Variants in PCDHA2 observed in about 807,000 individuals in gnomAD.
PCDHA2 encodes the protein protocadherin alpha 2, also known as protocadherin alpha-2.
In PCDHA2, 58 loss-of-function variants were observed where a neutral mutation model predicts 66.0. That is an observed-to-expected ratio of 0.88 (90% CI 0.71 to 1.09). PCDHA2 has a LOEUF of 1.09. PCDHA2 is among the 50% of genes least tolerant of loss of function. The pLI is 0.00. For synonymous variants in PCDHA2, 634 were observed against 554.0 expected (o/e 1.14, Z -2.03); for missense variants, 1,267 against 1,242.3 (o/e 1.02, Z -0.30).
intron 1 of PCDHA2, among the ~76,000 whole-genome samples, chr5:140,916,610 A>G (rs1002556327): frequency 6.6e-6 from 1 of 152,196 alleles, no homozygotes; most frequent in Non-Finnish European, 1.5e-5. Flanking sequence ...TGCGGGCCTC[A>G]TGACTCTACT....
At chr5:140,904,280 G>A in intron 1 of PCDHA2, among the ~76,000 whole-genome samples, 1 of 151,848 alleles carries the variant, frequency 6.6e-6, no homozygotes, top group Non-Finnish European at 1.5e-5. Flanking sequence ...GAGAACATGT[G>A]GTGTTTGGTT....
chr5:140,933,333 A>G (rs1215342457), intron 1 of PCDHA2, among the ~76,000 whole-genome samples: 1 of 152,032 alleles, frequency 6.6e-6, no homozygotes, highest in Non-Finnish European at 1.5e-5. Flanking sequence ...TGTGCTGTAG[A>G]GAAAGATAAA....
At chr5:140,956,147 C>T (rs150480657) in intron 1 of PCDHA2, among the ~76,000 whole-genome samples, 5,358 of 152,186 alleles carry the variant, frequency 0.035, 121 homozygotes, top group Non-Finnish European at 0.052. Context: ...ATTTCTTTCT[C>T]TTTCCTAATT....
At chr5:140,903,515 G>T (rs542642607) in intron 1 of PCDHA2, among the ~76,000 whole-genome samples, 1 of 152,244 alleles carries the variant, frequency 6.6e-6, no homozygotes, top group Non-Finnish European at 1.5e-5. Context: ...TAGTTCTATT[G>T]TGTTGTTCAC....
At chr5:140,802,570 C>A (rs1554122218) in intron 1 of PCDHA2, 1 of 1,614,158 alleles carries the variant, frequency 6.2e-7, no homozygotes, top group Non-Finnish European at 8.5e-7. Context: ...TTCTCGCAGT[C>A]CGAGTACACG....
At chr5:140,866,703 G>T (rs553518884) in intron 1 of PCDHA2, 45 of 152,224 alleles carry the variant, frequency 3.0e-4, no homozygotes, top group African/African-American at 1.1e-3. Context: ...AGTGGATGAC[G>T]TGCACTAGTA....
At position 140,982,360 on chromosome 5, in the gene PCDHA2, A is replaced by G. The variant is rs1016027722; in HGVS notation, c.2448-115A>G. 59 of 1,527,040 alleles carry G rather than the reference A, an allele frequency of 3.9e-5. No individual in the cohort carries two copies. In the Admixed American group the frequency reaches 8.5e-4, roughly 22 times the overall value. 94.6% of individuals were successfully genotyped at this position (1,527,040 alleles called of 1,614,324 possible). ...TAATTGCTTCAGTTCAAGCATGAGC[A>G]GAATGTGTTAGCTGCAGCCCTGGCT... On this transcript the variant is annotated intron_variant, in intron 2 of 3. Coordinates refer to ENST00000526136, the MANE Select transcript of PCDHA2 (RefSeq NM_018905.3).
At chr5:140,862,509 T>C in intron 1 of PCDHA2, 1 of 405,718 alleles carries the variant, frequency 2.5e-6, no homozygotes, top group Non-Finnish European at 5.0e-6. Context: ...GGGGACTCGC[T>C]TTCATTGTTG....
At chr5:140,802,382 C>T in intron 1 of PCDHA2, 1 of 1,614,268 alleles carries the variant, frequency 6.2e-7, no homozygotes, top group Admixed American at 1.7e-5. Context: ...ACGTCCCCTT[C>T]AAGCTGGTGT....
Position 140,796,452 on chromosome 5 carries a change from G to A in PCDHA2, c.1488G>A (p.Glu496=), listed in dbSNP as rs1554119901. The A allele has an allele frequency of 6.2e-7, 1 of 1,612,958 alleles. No homozygotes were observed. The highest frequency in any genetic ancestry group is 8.5e-7 in the Non-Finnish European group (1 of 1,179,868). ...CGCTGGTGTCCTACTCGCTGGTGGA[G>A]CGGCGGGTGGGCGAGCGCGCGTTGT... ...ENALVSYSLV[E]RRVGERALSS... is the part of the protein sequence containing the mutation. The change falls in exon 1 of 4, where the codon GAG becomes GAA. Residue 496 remains glutamate (E), a synonymous_variant. Transcript: ENST00000526136.
chr5:140,883,691 T>C (rs2059755439), intron 1 of PCDHA2: 2 of 1,613,592 alleles, frequency 1.2e-6, no homozygotes, highest in African/African-American at 2.7e-5. Flanking sequence ...CTGCCACATC[T>C]TCACGGTGTC....
In PCDHA2 at chr5:141,011,694, G is replaced by A. The variant is rs1473857552; in HGVS notation, c.*1757G>A. 1.3e-5 allele frequency: 2 copies of A among 153,662 alleles called. No individual in the cohort carries two copies. Among genetic ancestry groups the A allele is most frequent in the African/African-American group, 4.8e-5 (2 of 41,412 alleles). The allele number at this position is 153,662 out of a possible 1,614,324, so 9.5% of individuals were successfully genotyped here. On this transcript the variant is annotated 3_prime_UTR_variant, in exon 4 of 4. Coordinates refer to ENST00000526136, the MANE Select transcript of PCDHA2 (RefSeq NM_018905.3). The stretch of plus-strand genomic sequence containing the variant: ...CTGTTTTGTTCTAGTAACAATTTTG[G>A]AATGAATACTGACAATATTCCATGA...
At chr5:140,966,974 C>T (rs782333304) in intron 1 of PCDHA2, 4 of 1,602,874 alleles carry the variant, frequency 2.5e-6, no homozygotes, top group Non-Finnish European at 3.4e-6. Flanking sequence ...GCTTGAGCTG[C>T]GGCGCTTGGG....
intron 1 of PCDHA2, chr5:140,858,561 C>A: frequency 7.3e-7 from 1 of 1,370,342 alleles, no homozygotes; most frequent in South Asian, 1.3e-5. Context: ...TTGAATATTT[C>A]TAGTGATACC....
chr5:141,000,462 T>C (rs1554257607), intron 3 of PCDHA2, among the ~76,000 whole-genome samples: 1 of 139,384 alleles, frequency 7.2e-6, no homozygotes, highest in Non-Finnish European at 1.5e-5. Flanking sequence ...AGTTTTGCTC[T>C]TGTTGCCCAA....
chr5:140,809,837 G>T, intron 1 of PCDHA2: 1 of 337,106 alleles, frequency 3.0e-6, no homozygotes, highest in Non-Finnish European at 5.3e-6. Flanking sequence ...TTTGTTTTTG[G>T]TAATAATCAA....
At chr5:140,846,108 T>C (rs1420527870) in intron 1 of PCDHA2, among the ~76,000 whole-genome samples, 1 of 149,756 alleles carries the variant, frequency 6.7e-6, no homozygotes, top group African/African-American at 2.4e-5. Context: ...ATGTGTAGAC[T>C]ATCTTACTTT....
At chr5:140,942,351 G>A (rs893015832) in intron 1 of PCDHA2, among the ~76,000 whole-genome samples, 1 of 152,024 alleles carries the variant, frequency 6.6e-6, no homozygotes, top group Admixed American at 6.6e-5. Flanking sequence ...GGCGGAGGTT[G>A]CAGTTAACGG....
intron 1 of PCDHA2, chr5:140,805,647 G>GT (rs1763613640): frequency 1.2e-6 from 1 of 847,464 alleles, no homozygotes; most frequent in South Asian, 5.4e-5. Context: ...TTATTGGGAA[G>GT]TCTTCATTCC....
Sources: allele counts gnomAD v4.1 joint callset (sites outside exome capture counted in the v4.1 genomes callset), GRCh38; gene constraint gnomAD v4.1.1; transcripts MANE v1.5; gene names NCBI Gene and HGNC (gene_info 2026-07-23, HGNC 2026-07-21).